The following ANKS1B variants were observed in gnomAD, a reference collection of about 807,000 sequenced individuals.
ANKS1B encodes ankyrin repeat and sterile alpha motif domain containing 1B.
In ANKS1B, 36 loss-of-function variants were observed where a neutral mutation model predicts 148.3. That is an observed-to-expected ratio of 0.24 (90% CI 0.19 to 0.32). The LOEUF (loss-of-function observed/expected upper bound fraction) is 0.32. Among genes scored for constraint, ANKS1B ranks in the 10% least tolerant of loss-of-function variants. The pLI is 1.00. For synonymous variants in ANKS1B, 542 were observed against 560.8 expected, an observed-to-expected ratio of 0.97 and a Z score of 0.47; for missense variants, 1,157 against 1,542.6, an observed-to-expected ratio of 0.75 and a Z score of 4.19.
At chr12:99,431,366 T>C (rs1380375982) in intron 11 of ANKS1B, among the ~76,000 whole-genome samples, 1 of 152,200 alleles carries the variant, frequency 6.6e-6, no homozygotes, top group Non-Finnish European at 1.5e-5. Context: ...AGTTTGGGTG[T>C]TCCCTTTCTC....
intron 17 of ANKS1B, among the ~76,000 whole-genome samples, chr12:98,979,168 A>T (rs2099904456): frequency 6.6e-6 from 1 of 151,824 alleles, no homozygotes; most frequent in Non-Finnish European, 1.5e-5. Context: ...TTTTTAAATG[A>T]GAAAAAGTAT....
intron 8 of ANKS1B, among the ~76,000 whole-genome samples, chr12:99,741,090 C>G (rs2060055004): frequency 6.6e-6 from 1 of 151,874 alleles, no homozygotes; most frequent in African/African-American, 2.4e-5. Flanking sequence ...TACATGTAAT[C>G]CCAGCTACTC....
chr12:99,461,048 G>GTATA lies in ANKS1B; in HGVS notation c.1439-17243_1439-17240dup, dbSNP rs149509078. On this transcript the variant is annotated intron_variant, in intron 10 of 26. Coordinates refer to ENST00000683438, the MANE Select transcript of ANKS1B (RefSeq NM_001352186.2). ...AAGAAAATGTGGTGGATATATACAT[G>GTATA]TATATATATATATATATACACATAC... is the stretch of plus-strand genomic sequence containing the variant. Among the ~76,000 whole-genome samples the GTATA allele has an allele frequency of 2.0e-3, 292 of 145,340 alleles. 1 individual carries two copies. The highest frequency in any genetic ancestry group is 6.6e-3 in the African/African-American group (254 of 38,584).
chr12:98,933,749 A>T (rs2152976520), intron 17 of ANKS1B, among the ~76,000 whole-genome samples: 1 of 152,094 alleles, frequency 6.6e-6, no homozygotes, highest in African/African-American at 2.4e-5. Context: ...ATGATTAGTG[A>T]TGTTAAGTAT....
chr12:98,965,072 TA>T (rs1457825255), intron 17 of ANKS1B, among the ~76,000 whole-genome samples: 2 of 151,916 alleles, frequency 1.3e-5, no homozygotes, highest in East Asian at 3.9e-4. Context: ...ATGTACCCCA[TA>T]AATATATACA....
In ANKS1B at chr12:99,615,225, A is replaced by C. The variant is rs112798442; in HGVS notation, c.1272+39842T>G. ...CAGACAGATACACACACATAAACTC[A>C]TGCATAGAAAAAAATCAAGAAAAAA... On this transcript the variant is annotated intron_variant, in intron 9 of 26. Transcript: ENST00000683438. 9.1e-4 allele frequency among the ~76,000 whole-genome samples: 139 copies of C among 152,272 alleles called. 1 individual carries two copies. In the Middle Eastern group the frequency reaches 0.014, roughly 15 times the overall value.
intron 9 of ANKS1B, among the ~76,000 whole-genome samples, chr12:99,548,342 C>G (rs537208338): frequency 4.6e-5 from 7 of 150,996 alleles, no homozygotes; most frequent in Admixed American, 1.3e-4. Context: ...GGCCCTTTCC[C>G]TTTTCCTGTT....
intron 1 of ANKS1B, among the ~76,000 whole-genome samples, chr12:99,857,057 T>C (rs1042350102): frequency 6.6e-6 from 1 of 151,928 alleles, no homozygotes; most frequent in African/African-American, 2.4e-5. Context: ...GAGAAAGAAA[T>C]AAAGGGGATC....
chr12:99,524,533 C>T (rs973586342), intron 9 of ANKS1B, among the ~76,000 whole-genome samples: 9 of 152,122 alleles, frequency 5.9e-5, no homozygotes, highest in East Asian at 1.9e-4. Context: ...TGATGCAACA[C>T]GAGGTATCTG....
intron 9 of ANKS1B, among the ~76,000 whole-genome samples, chr12:99,631,137 C>T (rs755579224): frequency 1.8e-4 from 28 of 152,152 alleles, no homozygotes; most frequent in Non-Finnish European, 3.8e-4. Context: ...AATTAAACCT[C>T]TCTCCTTTAT....
intron 22 of ANKS1B, among the ~76,000 whole-genome samples, chr12:98,786,538 T>C (rs2098796327): frequency 6.6e-6 from 1 of 152,228 alleles, no homozygotes; most frequent in African/African-American, 2.4e-5. Flanking sequence ...GAAATTATCA[T>C]TGGTGCTTTT....
At chr12:98,871,354 T>C (rs1319242063) in intron 17 of ANKS1B, among the ~76,000 whole-genome samples, 2 of 152,204 alleles carry the variant, frequency 1.3e-5, no homozygotes, top group African/African-American at 4.8e-5. Flanking sequence ...TACATATTAA[T>C]TCAATAACAT....
At chr12:98,889,212 A>C (rs1948735102) in intron 17 of ANKS1B, among the ~76,000 whole-genome samples, 1 of 152,248 alleles carries the variant, frequency 6.6e-6, no homozygotes, top group East Asian at 1.9e-4. Context: ...CAACATGATG[A>C]ATTATCACTG....
chr12:99,946,231 A>G (rs1348377328), intron 1 of ANKS1B, among the ~76,000 whole-genome samples: 8 of 152,204 alleles, frequency 5.3e-5, no homozygotes, highest in Admixed American at 3.9e-4. Context: ...CTCTGACAGC[A>G]TGCATTTTTT....
chr12:99,219,979 C>T (rs2084827624), intron 14 of ANKS1B, among the ~76,000 whole-genome samples: 1 of 152,138 alleles, frequency 6.6e-6, no homozygotes, highest in Non-Finnish European at 1.5e-5. Context: ...AGAATATGAG[C>T]TCCCAAAATG....
At chr12:98,913,305 C>A (rs1216535748) in intron 17 of ANKS1B, among the ~76,000 whole-genome samples, 1 of 152,178 alleles carries the variant, frequency 6.6e-6, no homozygotes, top group African/African-American at 2.4e-5. Context: ...CAGTTCCTAG[C>A]TTGGACCTCA....
At chr12:99,047,792 A>G (rs1164426298) in intron 17 of ANKS1B, among the ~76,000 whole-genome samples, 3 of 152,198 alleles carry the variant, frequency 2.0e-5, no homozygotes, top group African/African-American at 7.2e-5. Flanking sequence ...ATTTATCACT[A>G]GCAGCCTCAC....
intron 14 of ANKS1B, among the ~76,000 whole-genome samples, chr12:99,206,753 G>C (rs1185877409): frequency 6.6e-6 from 1 of 152,144 alleles, no homozygotes; most frequent in African/African-American, 2.4e-5. Context: ...AGTCAGTAAT[G>C]TAGTTAAGAA....
intron 17 of ANKS1B, among the ~76,000 whole-genome samples, chr12:98,893,327 G>A (rs1215904186): frequency 1.3e-5 from 2 of 152,084 alleles, no homozygotes; most frequent in East Asian, 3.9e-4. Context: ...TCAACATTAC[G>A]GACTCGAATA....
Sources: allele counts gnomAD v4.1 joint callset (sites outside exome capture counted in the v4.1 genomes callset), GRCh38; gene constraint gnomAD v4.1.1; transcripts MANE v1.5; gene names NCBI Gene and HGNC (gene_info 2026-07-23, HGNC 2026-07-21).